FHL1: variants seen among roughly 807,000 people sequenced by gnomAD.
FHL1 encodes the protein four and a half LIM domains 1.
Under a neutral mutation model 20.3 loss-of-function variants are expected in FHL1, and 1 was observed. That is an observed-to-expected ratio of 0.05 (90% confidence interval 0.02 to 0.23). FHL1 has a LOEUF of 0.23. FHL1 is among the 10% of genes least tolerant of loss of function. The pLI, the probability that FHL1 is intolerant of heterozygous loss-of-function variation, is 1.00. For synonymous variants in FHL1, 82 were observed against 88.9 expected (o/e 0.92, Z 0.44); for missense variants, 177 against 234.0 (o/e 0.76, Z 1.59).
At chrX:136,159,606 ATG>A (rs1166060574) in intron 1 of FHL1, among the ~76,000 whole-genome samples, 2 of 111,881 alleles carry the variant, frequency 1.8e-5, no homozygotes, top group African/African-American at 3.2e-5. Flanking sequence ...GAAATAAGAG[ATG>A]TGTTTCTCCT....
At chrX:136,205,244 G>A (rs17001988) in intron 1 of FHL1, among the ~76,000 whole-genome samples, 2,107 of 111,701 alleles carry the variant, frequency 0.019, 41 homozygotes, top group African/African-American at 0.063. Flanking sequence ...GAGTGCCTTA[G>A]TAATGCTTGG....
At chrX:136,209,550 C>A (rs757498351) in intron 5 of FHL1, 3 of 805,406 alleles carry the variant, frequency 3.7e-6, no homozygotes, top group Admixed American at 2.9e-5. Flanking sequence ...GGTCGGTGCG[C>A]GTCACAGGGC....
At chrX:136,184,366 A>G (rs1056289535) in intron 2 of FHL1, among the ~76,000 whole-genome samples, 3 of 111,974 alleles carry the variant, frequency 2.7e-5, no homozygotes, top group Non-Finnish European at 5.6e-5. Context: ...TGAAGCAACT[A>G]AAAATACCCC....
chrX:136,206,561 C>T lies in FHL1; in HGVS notation c.177C>T (p.Cys59=). 1 of 1,212,516 alleles carries T rather than the reference C, an allele frequency of 8.2e-7. No individual in the cohort carries two copies. The highest frequency in any genetic ancestry group is 3.0e-5 in the East Asian group (1 of 33,849). The change falls in exon 2 of 6, where the codon TGC becomes TGT. Residue 59 remains cysteine, a synonymous_variant. Transcript: ENST00000370683. The stretch of plus-strand genomic sequence containing the variant: ...TCTGTGCCAACACCTGTGTGGAATG[C>T]CGCAAGCCCATCGGTGCGGACTCCA... ...DKFCANTCVE[C]RKPIGADSKE...
Position 136,181,342 on chromosome X carries a change from C to T in FHL1, c.-27+11362C>T, listed in dbSNP as rs180963304. 1.8e-4 allele frequency among the ~76,000 whole-genome samples: 20 copies of T among 111,600 alleles called. No homozygotes were observed. The East Asian group carries it at 4.5e-3, about 25-fold the overall frequency. ...ACGAGTATCTGCTTTAAACTTGAAA[C>T]GACCATAAAAGGAGAGAGATGGTTA... On this transcript the variant is annotated intron_variant, in intron 2 of 6. Transcript: ENST00000394153.
chrX:136,196,256 T>C (rs772457115), upstream of FHL1, among the ~76,000 whole-genome samples: 4 of 112,115 alleles, frequency 3.6e-5, no homozygotes, highest in Admixed American at 3.8e-4. Flanking sequence ...CTGGAGGGAC[T>C]TGGGGGCTTT....
Position 136,207,979 on chromosome X carries a change from T to C in FHL1, c.549+18T>C, listed in dbSNP as rs2073893418. ...GCAACAAGGTATGCTTTCAAGGGAGTTCTGCATTGACCGTTGTTTCTAGAA... is the reference window on the plus strand; with the variant it reads ...GCAACAAGGTATGCTTTCAAGGGAGCTCTGCATTGACCGTTGTTTCTAGAA... On this transcript the variant is annotated intron_variant, in intron 4 of 5. Coordinates refer to ENST00000370683, the MANE Select transcript of FHL1 (RefSeq NM_001159699.2). The C allele has an allele frequency of 8.3e-7, 1 of 1,209,053 alleles. No individual in the cohort carries two copies. The highest frequency in any genetic ancestry group is 2.2e-5 in the Admixed American group (1 of 45,926).
At chrX:136,152,694 T>C (rs1382618106) in intron 1 of FHL1, among the ~76,000 whole-genome samples, 8 of 79,428 alleles carry the variant, frequency 1.0e-4, no homozygotes, top group Non-Finnish European at 1.6e-4. Context: ...TATTCCAGCC[T>C]GGGCGACAGA....
intron 5 of FHL1, 129 bp from the exon 6 acceptor site, chrX:136,209,742 C>T: frequency 1.3e-6 from 1 of 781,740 alleles, no homozygotes; most frequent in Non-Finnish European, 1.8e-6. Context: ...GCAGACCTGG[C>T]TCTTGCGTGC....
intron 1 of FHL1, among the ~76,000 whole-genome samples, chrX:136,204,207 G>A (rs1028331970): frequency 6.2e-5 from 7 of 112,580 alleles, no homozygotes; most frequent in African/African-American, 9.7e-5. Context: ...GCCACTTGCC[G>A]TTACTGGAGA....
At chrX:136,157,335 A>G (rs947278712) in intron 1 of FHL1, among the ~76,000 whole-genome samples, 1 of 111,413 alleles carries the variant, frequency 9.0e-6, no homozygotes, top group African/African-American at 3.3e-5. Flanking sequence ...GAATTTTCCA[A>G]TGCACTAAGC....
chrX:136,189,617 G>C (rs1306012999), intron 2 of FHL1, among the ~76,000 whole-genome samples: 1 of 111,913 alleles, frequency 8.9e-6, no homozygotes, highest in Non-Finnish European at 1.9e-5. Flanking sequence ...TGCTCTAAAT[G>C]TTGCAAATAT....
At chrX:136,186,972 G>A (rs984172619) in intron 2 of FHL1, among the ~76,000 whole-genome samples, 1 of 110,301 alleles carries the variant, frequency 9.1e-6, no homozygotes, top group Admixed American at 9.7e-5. Flanking sequence ...ACTAACTGTG[G>A]TATAGCTTTA....
At chrX:136,180,252 G>A (rs997627951) in intron 2 of FHL1, among the ~76,000 whole-genome samples, 5 of 112,124 alleles carry the variant, frequency 4.5e-5, no homozygotes, top group African/African-American at 1.6e-4. Context: ...TTGTATTGTT[G>A]AAATTTGGAA....
At chrX:136,199,625 C>T (rs988751057) in intron 1 of FHL1, among the ~76,000 whole-genome samples, 1 of 112,406 alleles carries the variant, frequency 8.9e-6, no homozygotes, top group African/African-American at 3.2e-5. Context: ...AAGCATTATA[C>T]CCTTTCTTTA....
In FHL1 at chrX:136,207,027, T is replaced by C; in HGVS notation, c.216T>C (p.Tyr72=). 1 of 1,210,975 alleles carries C rather than the reference T, an allele frequency of 8.3e-7. No homozygotes were observed. The highest frequency in any genetic ancestry group is 1.7e-5 in the African/African-American group (1 of 57,698). Residue 72 remains tyrosine, a synonymous_variant, in exon 3 of 6, where the codon TAT becomes TAC. Transcript: ENST00000370683. ...TGCTTGGTTTCCAGGAGGTGCACTA[T>C]AAGAACCGCTTCTGGCATGACACCT... is the stretch of plus-strand genomic sequence containing the variant. The part of the protein sequence containing the change: ...PIGADSKEVH[Y]KNRFWHDTCF...
chrX:136,203,239 A>AC (rs1316882638), intron 1 of FHL1, among the ~76,000 whole-genome samples: 1 of 112,631 alleles, frequency 8.9e-6, no homozygotes, highest in Non-Finnish European at 1.9e-5. Flanking sequence ...GTTTCCACAC[A>AC]CATTAAAAGG....
chrX:136,174,615 G>C (rs2072954013), intron 2 of FHL1, among the ~76,000 whole-genome samples: 1 of 111,933 alleles, frequency 8.9e-6, no homozygotes, highest in African/African-American at 3.2e-5. Context: ...AAAGAGATAC[G>C]AACCAGGGTA....
In FHL1 at chrX:136,210,132, T is replaced by C. The variant is rs753158732; in HGVS notation, c.*107T>C. Reference sequence around the variant, plus strand: ...GGGGAAGAGTGGTCCTTCCCTTCTTTAAAGTTCTCCTTCCGTCTTTTCTCC... The same window carrying C: ...GGGGAAGAGTGGTCCTTCCCTTCTTCAAAGTTCTCCTTCCGTCTTTTCTCC... On this transcript the variant is annotated 3_prime_UTR_variant, in exon 6 of 6. Coordinates refer to ENST00000370683, the MANE Select transcript of FHL1 (RefSeq NM_001159699.2). 49 of 1,048,217 alleles carry C rather than the reference T, an allele frequency of 4.7e-5. No homozygotes were observed. The African/African-American group carries it at 8.2e-4, about 17-fold the overall frequency. 86.4% of individuals were successfully genotyped at this position (1,048,217 alleles called of 1,213,427 possible). A position where few individuals can be genotyped will look rare whatever the true frequency, so the allele number is the denominator to read the frequency against.
Sources: gnomAD v4.1 joint callset for allele counts (sites outside exome capture counted in the v4.1 genomes callset) on GRCh38, gnomAD v4.1.1 for gene constraint, MANE v1.5 for transcripts, NCBI Gene and HGNC (gene_info 2026-07-23, HGNC 2026-07-21) for gene names.